Variants in SEC31A observed in about 807,000 individuals in gnomAD.
SEC31A encodes protein transport protein Sec31A.
SEC31A carries 70 observed loss-of-function variants against 151.0 expected under a neutral mutation model. The observed-to-expected ratio is 0.46, with a 90% CI of 0.38 to 0.57. SEC31A has a LOEUF of 0.57. Among genes scored for constraint, SEC31A ranks in the 20% least tolerant of loss-of-function variants. The pLI, the probability that SEC31A is intolerant of heterozygous loss-of-function variation, is 0.00. For synonymous variants in SEC31A, 475 were observed against 505.9 expected, an observed-to-expected ratio of 0.94 and a Z score of 0.82; for missense variants, 1,330 against 1,471.2, an observed-to-expected ratio of 0.90 and a Z score of 1.57.
At position 82,835,878 on chromosome 4, in the gene SEC31A, A is replaced by G. The variant is rs367691058; in HGVS notation, c.2968+6262T>C. 1.8e-4 allele frequency among the ~76,000 whole-genome samples: 27 copies of G among 152,314 alleles called. No homozygotes were observed. The South Asian group carries it at 5.2e-3, about 29-fold the overall frequency. On this transcript the variant is annotated intron_variant, in intron 22 of 26. Coordinates refer to ENST00000395310, the MANE Select transcript of SEC31A (RefSeq NM_001077207.4). ...CTTTAAAAATGCATGCACACAATGA[A>G]TTACTACTTCAAACCCATTAGGATG...
chr4:82,846,366 C>CATA (rs35831381), intron 20 of SEC31A, among the ~76,000 whole-genome samples: 25,470 of 140,322 alleles, frequency 0.18, 2,479 homozygotes, highest in South Asian at 0.29. Context: ...AACTCCAAAA[C>CATA]ATAATAATAA....
intron 22 of SEC31A, among the ~76,000 whole-genome samples, chr4:82,833,732 T>C (rs912295835): frequency 6.6e-6 from 1 of 152,124 alleles, no homozygotes; most frequent in Non-Finnish European, 1.5e-5. Context: ...ATGTCAGACA[T>C]ATAACTCATG....
intron 20 of SEC31A, among the ~76,000 whole-genome samples, chr4:82,847,589 G>A (rs771701379): frequency 2.0e-5 from 3 of 152,242 alleles, no homozygotes; most frequent in South Asian, 2.1e-4. Context: ...CAACTTGGCC[G>A]GTAACCAGCC....
chr4:82,845,221 C>A, intron 20 of SEC31A: 1 of 1,533,554 alleles, frequency 6.5e-7, no homozygotes, highest in Non-Finnish European at 8.7e-7. Flanking sequence ...GAGGGAGAGG[C>A]TGCAGGTGGA....
intron 26 of SEC31A, among the ~76,000 whole-genome samples, chr4:82,819,915 C>A (rs1722947658): frequency 6.6e-6 from 1 of 152,036 alleles, no homozygotes; most frequent in South Asian, 2.1e-4. Context: ...CCGTGTGCCA[C>A]CATGCCCAGC....
intron 22 of SEC31A, among the ~76,000 whole-genome samples, chr4:82,838,969 A>C (rs1246038778): frequency 2.0e-5 from 3 of 152,102 alleles, no homozygotes; most frequent in African/African-American, 7.2e-5. Flanking sequence ...GGAACGACAA[A>C]ATTTTTGTTT....
rs1723207301 is a variant in SEC31A at position 82,821,119 on chromosome 4, G to GA, written c.3412-12dup. 1.2e-6 allele frequency: 2 copies of GA among 1,606,338 alleles called. No individual in the cohort carries two copies. The highest frequency in any genetic ancestry group is 2.7e-5 in the African/African-American group (2 of 74,794). On this transcript the variant is annotated splice_polypyrimidine_tract_variant and intron_variant, in intron 25 of 26. Transcript: ENST00000395310. ...CTTCCTCTTGGTTTGCTGCAGGAAA[G>GA]AAAAAATAGATGTTATATTTGAACA...
At chr4:82,829,123 C>G in intron 22 of SEC31A, 65 bp from the exon 23 acceptor site, 1 of 1,325,372 alleles carries the variant, frequency 7.5e-7, no homozygotes, top group Non-Finnish European at 1.1e-6. Context: ...AAAACTGAAT[C>G]GATCACCTAA....
rs1217133508 is a variant in SEC31A at position 82,860,039 on chromosome 4, G to T, written c.1626+1592C>A. Among the ~76,000 whole-genome samples the T allele has an allele frequency of 2.0e-5, 3 of 152,094 alleles. No individual in the cohort carries two copies. In the South Asian group the frequency reaches 6.2e-4, roughly 32 times the overall value. ...AATCTCCTGACCTCGTGATCTGCCCGCCTCGGCCTCCCAAAGTGCTGGGAT... is the reference window on the plus strand; with the variant it reads ...AATCTCCTGACCTCGTGATCTGCCCTCCTCGGCCTCCCAAAGTGCTGGGAT... On this transcript the variant is annotated intron_variant, in intron 14 of 26. Coordinates refer to ENST00000395310, the MANE Select transcript of SEC31A (RefSeq NM_001077207.4).
At chr4:82,838,407 T>A (rs1026800782) in intron 22 of SEC31A, among the ~76,000 whole-genome samples, 1 of 152,144 alleles carries the variant, frequency 6.6e-6, no homozygotes, top group Non-Finnish European at 1.5e-5. Context: ...TGTGCTGCCA[T>A]CACAGAAACG....
intron 22 of SEC31A, among the ~76,000 whole-genome samples, chr4:82,832,573 G>C (rs947674107): frequency 6.6e-6 from 1 of 152,096 alleles, no homozygotes; most frequent in South Asian, 2.1e-4. Flanking sequence ...TCTAATTAAA[G>C]AGCTTCTGCA....
Position 82,827,399 on chromosome 4 carries a change from G to A in SEC31A, c.3261C>T (p.Ala1087=), listed in dbSNP as rs917155167. ...PSFSKPNIEG[A]PGAPIGNTFQ... ...AGGTATTTCCAATAGGAGCCCCTGG[G>A]GCACCTTCAATATTGGGCTTTGAAA... is the stretch of plus-strand genomic sequence containing the variant. Residue 1087 remains alanine (A), a synonymous_variant, in exon 24 of 27, where the codon GCC becomes GCT. Transcript: ENST00000395310. The A allele has an allele frequency of 8.1e-6, 13 of 1,614,158 alleles. No individual in the cohort carries two copies. The South Asian group carries it at 1.2e-4, about 15-fold the overall frequency.
At chr4:82,885,128 T>G (rs1740395970) in intron 1 of SEC31A, among the ~76,000 whole-genome samples, 1 of 152,186 alleles carries the variant, frequency 6.6e-6, no homozygotes, top group South Asian at 2.1e-4. Context: ...ACATGTATAC[T>G]TTTGCCCTTC....
chr4:82,868,377 T>C (rs1735858253), intron 8 of SEC31A, among the ~76,000 whole-genome samples: 1 of 152,016 alleles, frequency 6.6e-6, no homozygotes. Flanking sequence ...GCTGCACGCC[T>C]GTAGTCCCTG....
At chr4:82,869,983 G>A (rs187032904) in intron 8 of SEC31A, among the ~76,000 whole-genome samples, 169 of 152,296 alleles carry the variant, frequency 1.1e-3, no homozygotes, top group African/African-American at 3.6e-3. Context: ...GGCAAAAGAT[G>A]CAAACCTTGA....
rs1735529679 is a variant in SEC31A at position 82,866,925 on chromosome 4, G to A, written c.1080C>T (p.Gly360=). 6.2e-7 allele frequency: 1 copy of A among 1,613,892 alleles called. No homozygotes were observed. Among genetic ancestry groups the A allele is most frequent in the Non-Finnish European group, 8.5e-7 (1 of 1,179,934 alleles). The part of the protein sequence containing the change: ...SSSFGNLDPF[G]TGQPLPPLQI... The stretch of plus-strand genomic sequence containing the variant: ...GTAACGGAGGAAGGGGCTGTCCTGT[G>A]CCAAAGGGATCAAGATTCCCAAAAG... The change falls in exon 10 of 27, where the codon GGC becomes GGT. Residue 360 remains glycine (G), a synonymous_variant. Coordinates refer to ENST00000395310, the MANE Select transcript of SEC31A (RefSeq NM_001077207.4).
At chr4:82,851,793 C>T (rs1731510184) in intron 18 of SEC31A, among the ~76,000 whole-genome samples, 189 bp from the exon 19 acceptor site, 1 of 152,170 alleles carries the variant, frequency 6.6e-6, no homozygotes, top group Non-Finnish European at 1.5e-5. Context: ...AGGCCTCTTA[C>T]TTATGGATAG....
At chr4:82,890,791 C>T in intron 1 of SEC31A, 2 of 1,279,120 alleles carry the variant, frequency 1.6e-6, no homozygotes, top group Non-Finnish European at 2.0e-6. Flanking sequence ...TAATCTCAAA[C>T]TCCAGTTACC....
Position 82,856,945 on chromosome 4 carries a change from A to T in SEC31A, c.1881+7T>A. ...ATACGTTATTGCTTATTTTTAAAATAACATACCCTGGTAATTTTGCTTTGG... is the reference window on the plus strand; with the variant it reads ...ATACGTTATTGCTTATTTTTAAAATTACATACCCTGGTAATTTTGCTTTGG... On this transcript the variant is annotated splice_region_variant and intron_variant, in intron 16 of 26. Coordinates refer to ENST00000395310, the MANE Select transcript of SEC31A (RefSeq NM_001077207.4). The T allele has an allele frequency of 6.2e-7, 1 of 1,603,010 alleles. No individual in the cohort carries two copies.
Sources: allele counts gnomAD v4.1 joint callset (sites outside exome capture counted in the v4.1 genomes callset), GRCh38; gene constraint gnomAD v4.1.1; transcripts MANE v1.5; gene names NCBI Gene and HGNC (gene_info 2026-07-23, HGNC 2026-07-21).